Variants in IL18 observed in about 807,000 individuals in gnomAD.
IL18 encodes the protein interleukin-18.
In IL18, 8 loss-of-function variants were observed where a neutral mutation model predicts 14.2. The observed-to-expected ratio is 0.56, with a 90% CI of 0.33 to 1.01. IL18 has a LOEUF of 1.01. Ranked by LOEUF, IL18 falls within the 50% of genes least tolerant of loss-of-function variation. The pLI is 0.03. For missense variants in IL18, 166 were observed against 231.1 expected (o/e 0.72, Z 1.83); for synonymous variants, 67 against 71.0 (o/e 0.94, Z 0.28).
intron 1 of IL18, among the ~76,000 whole-genome samples, chr11:112,160,352 A>C (rs1866608772): frequency 7.3e-6 from 1 of 137,896 alleles, no homozygotes; most frequent in African/African-American, 2.7e-5. Context: ...CTCATCTTTC[A>C]TCCCGTAACT....
chr11:112,159,760 G>T (rs1329337739), intron 1 of IL18, among the ~76,000 whole-genome samples: 1 of 152,168 alleles, frequency 6.6e-6, no homozygotes, highest in Non-Finnish European at 1.5e-5. Flanking sequence ...CATTGAATTT[G>T]GCAATTAGGA....
chr11:112,163,779 T>C (rs1052578838), intron 1 of IL18, 127 bp downstream of exon 1: 1 of 152,364 alleles, frequency 6.6e-6, no homozygotes, highest in Non-Finnish European at 1.5e-5. Flanking sequence ...TTATATTTCT[T>C]ATGTTGATAC....
intron 3 of IL18, among the ~76,000 whole-genome samples, chr11:112,152,368 C>T (rs1206269155): frequency 6.6e-6 from 1 of 152,192 alleles, no homozygotes; most frequent in Non-Finnish European, 1.5e-5. Context: ...ATTCATGACA[C>T]CATCATTTCT....
chr11:112,162,721 G>A (rs1352499091), intron 1 of IL18, among the ~76,000 whole-genome samples: 1 of 152,186 alleles, frequency 6.6e-6, no homozygotes, highest in Non-Finnish European at 1.5e-5. Flanking sequence ...AGATTATGGA[G>A]GGCTTTGGAA....
intron 4 of IL18, among the ~76,000 whole-genome samples, chr11:112,149,638 CA>C (rs1866404557): frequency 7.1e-6 from 1 of 140,446 alleles, no homozygotes; most frequent in African/African-American, 2.7e-5. Context: ...TGGCTATTCA[CA>C]GGTACGATCA....
chr11:112,149,905 C>T (rs1866409012), intron 4 of IL18, among the ~76,000 whole-genome samples, 167 bp downstream of exon 4: 1 of 152,094 alleles, frequency 6.6e-6, no homozygotes, highest in African/African-American at 2.4e-5. Flanking sequence ...ATTTTTTACC[C>T]CAACTAAAAA....
In IL18 at chr11:112,143,429, C is replaced by G. The variant is rs360728; in HGVS notation, c.*167G>C. 529,412 of 544,768 alleles carry G rather than the reference C, an allele frequency of 0.97. 257,453 individuals carry two copies. The highest frequency in any genetic ancestry group is 1 in the East Asian group (31,913 of 31,918). The allele number at this position is 544,768 out of a possible 1,614,324, so 33.7% of individuals were successfully genotyped here. On this transcript the variant is annotated 3_prime_UTR_variant, in exon 6 of 6. Coordinates refer to ENST00000280357, the MANE Select transcript of IL18 (RefSeq NM_001562.4). Reference sequence around the variant, plus strand: ...TTGAGTAGCTGGGATTGAGGGCATGCGTCACTACACTCAGCTAATTTTTTG... The same window carrying G: ...TTGAGTAGCTGGGATTGAGGGCATGGGTCACTACACTCAGCTAATTTTTTG...
chr11:112,147,181 C>T (rs577752219), intron 5 of IL18, among the ~76,000 whole-genome samples: 27 of 152,026 alleles, frequency 1.8e-4, no homozygotes, highest in East Asian at 3.9e-4. Flanking sequence ...CCGCCCCCCT[C>T]GGCCTCCCAA....
chr11:112,153,574 A>C lies in IL18; in HGVS notation c.91+18T>G. On this transcript the variant is annotated intron_variant, in intron 3 of 5. Transcript: ENST00000280357. ...GATACTTAGTTTGCAAAGAAAAATA[A>C]ATTCATTTCTACTTTACCATCATCT... The C allele has an allele frequency of 2.6e-6, 4 of 1,530,216 alleles. No homozygotes were observed. Among genetic ancestry groups the C allele is most frequent in the Non-Finnish European group, 3.6e-6 (4 of 1,120,112 alleles). The allele number at this position is 1,530,216 out of a possible 1,614,324, so 94.8% of individuals were successfully genotyped here.
chr11:112,158,067 G>A (rs1392491153), intron 1 of IL18, among the ~76,000 whole-genome samples: 22 of 152,060 alleles, frequency 1.4e-4, no homozygotes, highest in Admixed American at 1.4e-3. Context: ...GGCTGGTCTC[G>A]AACTCCTGAC....
chr11:112,149,779 G>T (rs1057286452), intron 4 of IL18, among the ~76,000 whole-genome samples: 2 of 151,854 alleles, frequency 1.3e-5, no homozygotes, highest in East Asian at 1.9e-4. Flanking sequence ...AACAAGCAGG[G>T]ATTAAGCATC....
At chr11:112,155,318 T>C (rs766188386) in intron 1 of IL18, among the ~76,000 whole-genome samples, 16 of 152,236 alleles carry the variant, frequency 1.1e-4, no homozygotes, top group Non-Finnish European at 2.1e-4. Flanking sequence ...GGCCTAGTAC[T>C]GAACTGAATC....
At chr11:112,146,148 C>G (rs5744276) in intron 5 of IL18, among the ~76,000 whole-genome samples, 24,564 of 151,180 alleles carry the variant, frequency 0.16, 2,671 homozygotes, top group Non-Finnish European at 0.25. Context: ...CCTGGCCAAG[C>G]CTGGATATAG....
intron 5 of IL18, among the ~76,000 whole-genome samples, chr11:112,148,122 C>T (rs962889118): frequency 8.5e-5 from 13 of 152,178 alleles, no homozygotes; most frequent in Non-Finnish European, 2.9e-5. Context: ...AAGCTTGTGT[C>T]TAAGACTTAG....
chr11:112,154,964 AT>A lies in IL18; in HGVS notation c.79+10del. ...CTGAACCTGGTATTTGTTCTATGGCATTAGCCTTACCTATAAAGTAAAGCGT... is the reference window on the plus strand; with the variant it reads ...CTGAACCTGGTATTTGTTCTATGGCATAGCCTTACCTATAAAGTAAAGCGT... On this transcript the variant is annotated intron_variant, in intron 2 of 5. Coordinates refer to ENST00000280357, the MANE Select transcript of IL18 (RefSeq NM_001562.4). The A allele has an allele frequency of 6.4e-7, 1 of 1,553,800 alleles. No individual in the cohort carries two copies. Among genetic ancestry groups the A allele is most frequent in the Non-Finnish European group, 8.9e-7 (1 of 1,125,806 alleles).
intron 5 of IL18, among the ~76,000 whole-genome samples, chr11:112,144,070 C>T (rs1378208367): frequency 6.6e-6 from 1 of 152,174 alleles, no homozygotes; most frequent in Non-Finnish European, 1.5e-5. Context: ...GCTTACTTCT[C>T]TCCTCTCCCA....
In IL18 at chr11:112,157,012, C is replaced by T. The variant is rs527405330; in HGVS notation, c.-8-1951G>A. The stretch of plus-strand genomic sequence containing the variant: ...CATTTTTCACCAAAACCCAAACCAA[C>T]ATTAATATTAAAAATCAGAACAATA... On this transcript the variant is annotated intron_variant, in intron 1 of 5. Transcript: ENST00000280357. Among the ~76,000 whole-genome samples the T allele has an allele frequency of 1.5e-4, 23 of 152,202 alleles. No individual in the cohort carries two copies. In the South Asian group the frequency reaches 4.6e-3, roughly 30 times the overall value.
chr11:112,151,081 A>C (rs2135314578), intron 3 of IL18: 1 of 152,342 alleles, frequency 6.6e-6, no homozygotes, highest in South Asian at 2.1e-4. Flanking sequence ...TCCTGAAGAA[A>C]AAATCAGACA....
intron 5 of IL18, among the ~76,000 whole-genome samples, chr11:112,145,002 A>T (rs1337621710): frequency 1.3e-5 from 2 of 152,258 alleles, no homozygotes; most frequent in Non-Finnish European, 2.9e-5. Context: ...AGGTTCTTCC[A>T]TGTTAATCCT....
Sources: allele counts gnomAD v4.1 joint callset (sites outside exome capture counted in the v4.1 genomes callset), GRCh38; gene constraint gnomAD v4.1.1; transcripts MANE v1.5; gene names NCBI Gene and HGNC (gene_info 2026-07-23, HGNC 2026-07-21).